The following ZC3H12A variants were observed in gnomAD, a reference collection of about 807,000 sequenced individuals.
ZC3H12A encodes the protein endoribonuclease ZC3H12A.
ZC3H12A carries 9 observed loss-of-function variants against 29.9 expected under a neutral mutation model. The observed-to-expected ratio is 0.30, with a 90% CI of 0.18 to 0.53. ZC3H12A has a LOEUF of 0.53. Ranked by LOEUF, ZC3H12A falls within the 20% of genes least tolerant of loss-of-function variation. The pLI, the probability that ZC3H12A is intolerant of heterozygous loss-of-function variation, is 0.96. For synonymous variants in ZC3H12A, 323 were observed against 338.1 expected, an observed-to-expected ratio of 0.96 and a Z score of 0.49; for missense variants, 617 against 799.0, an observed-to-expected ratio of 0.77 and a Z score of 2.75.
chr1:37,478,944 AC>A lies in ZC3H12A; in HGVS notation c.444-1343del, dbSNP rs1641645070. On this transcript the variant is annotated intron_variant, in intron 2 of 5. Transcript: ENST00000373087. This position sits in a 1 kb window ranked among gnomAD's most constrained non-coding sequence, Gnocchi z 5.2. Reference sequence around the variant, plus strand: ...TCCCCTACAATTTAGAGACCTTCAGACCCTGGTGCCCCAGTCTTGCCCCCAA... The same window carrying A: ...TCCCCTACAATTTAGAGACCTTCAGACCTGGTGCCCCAGTCTTGCCCCCAA... The A allele has an allele frequency of 1.0e-6, 1 of 985,124 alleles. No individual in the cohort carries two copies. Among genetic ancestry groups the A allele is most frequent in the Non-Finnish European group, 1.2e-6 (1 of 829,884 alleles). 61.0% of individuals were successfully genotyped at this position (985,124 alleles called of 1,614,324 possible).
rs776466276 is a variant in ZC3H12A at position 37,476,382 on chromosome 1, AGTT to A, written c.443+453_443+455del. On this transcript the variant is annotated intron_variant, in intron 2 of 5. Transcript: ENST00000373087. The surrounding 1 kb of genome is among the most constrained non-coding windows in gnomAD (Gnocchi z 6.0). ...AGTGGTAGTAGGCAGTGGTAGTAGC[AGTT>A]GTTGTTGTTATTTCAGGGGCTGGGC... Among the ~76,000 whole-genome samples the A allele has an allele frequency of 9.2e-5, 14 of 152,156 alleles. No individual in the cohort carries two copies. The highest frequency in any genetic ancestry group is 1.9e-4 in the East Asian group (1 of 5,202).
In ZC3H12A at chr1:37,475,256, T is replaced by G. The variant is rs1483788332; in HGVS notation, c.-38-203T>G. On this transcript the variant is annotated intron_variant, in intron 1 of 5. Transcript: ENST00000373087. The surrounding 1 kb of genome is among the most constrained non-coding windows in gnomAD (Gnocchi z 5.2). ...TAACAGCTGGATGACCTTGAGCACG[T>G]TTTTAATGTCTGTGCCTCAGTTTCT... is the stretch of plus-strand genomic sequence containing the variant. 6.6e-6 allele frequency among the ~76,000 whole-genome samples: 1 copy of G among 152,196 alleles called. No homozygotes were observed. The highest frequency in any genetic ancestry group is 1.5e-5 in the Non-Finnish European group (1 of 68,024).
At position 37,475,016 on chromosome 1, in the gene ZC3H12A, T is replaced by A. The variant is rs1389013834; in HGVS notation, c.-39+387T>A. On this transcript the variant is annotated intron_variant, in intron 1 of 5. Coordinates refer to ENST00000373087, the MANE Select transcript of ZC3H12A (RefSeq NM_025079.3). The surrounding 1 kb of genome is among the most constrained non-coding windows in gnomAD (Gnocchi z 5.2). ...GTCCGGCCATGGGCCTTGCGCTGCC[T>A]GGGCCTGAGCTCTGAGTGCCGGACG... 6.6e-6 allele frequency among the ~76,000 whole-genome samples: 1 copy of A among 152,222 alleles called. No homozygotes were observed. Among genetic ancestry groups the A allele is most frequent in the Non-Finnish European group, 1.5e-5 (1 of 68,038 alleles).
intron 3 of ZC3H12A, 96 bp downstream of exon 3, chr1:37,480,525 A>G (rs1313802373): frequency 2.8e-6 from 4 of 1,450,806 alleles, no homozygotes; most frequent in Non-Finnish European, 3.7e-6. Context: ...CAACTTCTAG[A>G]ACTCAAGCAG....
Position 37,475,539 on chromosome 1 carries a change from C to T in ZC3H12A, c.43C>T (p.Pro15Ser), listed in dbSNP as rs756846866. The T allele has an allele frequency of 1.9e-6, 3 of 1,612,880 alleles. No homozygotes were observed. Among genetic ancestry groups the T allele is most frequent in the Non-Finnish European group, 2.5e-6 (3 of 1,179,600 alleles). ...CGEKPVLEAS[P>S]TMSLWEFEDS... The stretch of plus-strand genomic sequence containing the variant: ...AGAGAAGCCTGTCCTGGAAGCCAGC[C>T]CCACCATGAGTCTGTGGGAATTTGA... Residue 15 changes from proline to serine, a missense_variant, in exon 2 of 6, where the codon CCC becomes TCC. Physicochemically the swap from Pro to Ser is moderately conservative, Grantham distance 74 (BLOSUM62 -1). Transcript: ENST00000373087. This position sits in a 1 kb window ranked among gnomAD's most constrained non-coding sequence, Gnocchi z 5.2.
chr1:37,474,740 A>AGAGGG (rs1432895308), intron 1 of ZC3H12A, 111 bp downstream of exon 1: 1 of 128,240 alleles, frequency 7.8e-6, no homozygotes, highest in Non-Finnish European at 1.7e-5. Flanking sequence ...GGAGGGGTGG[A>AGAGGG]GAGGGGAGGG....
In ZC3H12A at chr1:37,483,721, G is replaced by C. The variant is rs1641767407; in HGVS notation, c.*110G>C. 2 of 1,362,296 alleles carry C rather than the reference G, an allele frequency of 1.5e-6. No individual in the cohort carries two copies. The highest frequency in any genetic ancestry group is 2.9e-5 in the Admixed American group (1 of 34,970). The allele number at this position is 1,362,296 out of a possible 1,614,324, so 84.4% of individuals were successfully genotyped here. A position where few individuals can be genotyped will look rare whatever the true frequency, so the allele number is the denominator to read the frequency against. ...GCCCTGAGGCCCACCCCAGAGGCTGGACAGAGGGAGGATTCAAGTCGGGAA... is the reference window on the plus strand; with the variant it reads ...GCCCTGAGGCCCACCCCAGAGGCTGCACAGAGGGAGGATTCAAGTCGGGAA... On this transcript the variant is annotated 3_prime_UTR_variant, in exon 6 of 6. Transcript: ENST00000373087.
At position 37,475,827 on chromosome 1, in the gene ZC3H12A, C is replaced by T; in HGVS notation, c.331C>T (p.Arg111Trp). The T allele has an allele frequency of 1.2e-6, 2 of 1,604,552 alleles. No homozygotes were observed. The highest frequency in any genetic ancestry group is 1.7e-5 in the Admixed American group (1 of 59,518). ...DPCPQLPLVP[R>W]GGGTPKAPNL... ...CTGCCCTCAGCTCCCTCTAGTCCCG[C>T]GGGGTGGTGGCACCCCTAAGGCTCC... The change falls in exon 2 of 6, where the codon CGG becomes TGG. Residue 111 changes from arginine to tryptophan, a missense_variant. Transcript: ENST00000373087. The surrounding 1 kb of genome is among the most constrained non-coding windows in gnomAD (Gnocchi z 5.2).
Position 37,475,966 on chromosome 1 carries a change from A to G in ZC3H12A, c.443+27A>G. The G allele has an allele frequency of 2.7e-6, 4 of 1,487,442 alleles. No homozygotes were observed. The highest frequency in any genetic ancestry group is 3.6e-6 in the Non-Finnish European group (4 of 1,125,118). The allele number at this position is 1,487,442 out of a possible 1,614,324, so 92.1% of individuals were successfully genotyped here. ...TAAGTGTCACTTCTGTGGCCAGGAC[A>G]CATGAGGTTCGCATCTCTCCTGTGG... On this transcript the variant is annotated intron_variant, in intron 2 of 5. Transcript: ENST00000373087. This position sits in a 1 kb window ranked among gnomAD's most constrained non-coding sequence, Gnocchi z 5.2.
chr1:37,475,473 CG>C lies in ZC3H12A; in HGVS notation c.-20del, dbSNP rs1553160391. On this transcript the variant is annotated 5_prime_UTR_variant, in exon 2 of 6. The change abolishes the stop of an existing upstream ORF in the 5' untranslated region. Transcript: ENST00000373087. The surrounding 1 kb of genome is among the most constrained non-coding windows in gnomAD (Gnocchi z 5.2). ...TGGTTGTTCAGTAGGAGCTGTGGCGCGGGGCCTTCCAGGAGTCTGAGCTATG... is the reference window on the plus strand; with the variant it reads ...TGGTTGTTCAGTAGGAGCTGTGGCGCGGGCCTTCCAGGAGTCTGAGCTATG... 6.3e-7 allele frequency: 1 copy of C among 1,575,690 alleles called. No individual in the cohort carries two copies. The highest frequency in any genetic ancestry group is 8.6e-7 in the Non-Finnish European group (1 of 1,159,702).
rs1196707856 is a variant in ZC3H12A at position 37,475,719 on chromosome 1, C to G, written c.223C>G (p.Gln75Glu). 6.2e-7 allele frequency: 1 copy of G among 1,614,056 alleles called. No homozygotes were observed. Among genetic ancestry groups the G allele is most frequent in the Non-Finnish European group, 8.5e-7 (1 of 1,180,038 alleles). ...CAGCGTCCTGCAGAAGCTGGGCGTC[C>G]AGGCAGACACCAACACGGTGCTGGG... Reference protein sequence around the residue: ...IHSVLQKLGVQADTNTVLGEL... With the variant: ...IHSVLQKLGVEADTNTVLGEL... Residue 75 changes from glutamine to glutamate, a missense_variant, in exon 2 of 6, where the codon CAG (glutamine) becomes GAG (glutamate). Transcript: ENST00000373087. This position sits in a 1 kb window ranked among gnomAD's most constrained non-coding sequence, Gnocchi z 5.2.
At position 37,475,417 on chromosome 1, in the gene ZC3H12A, A is replaced by G; in HGVS notation, c.-38-42A>G. ...ATGTGGTTTTGGGAGGGAGGTTAGG[A>G]GAGAGCGCTATTCACCGTCCCTAAC... On this transcript the variant is annotated intron_variant, in intron 1 of 5. Coordinates refer to ENST00000373087, the MANE Select transcript of ZC3H12A (RefSeq NM_025079.3). The surrounding 1 kb of genome is among the most constrained non-coding windows in gnomAD (Gnocchi z 5.2). 1.4e-6 allele frequency: 2 copies of G among 1,454,548 alleles called. No homozygotes were observed. Among genetic ancestry groups the G allele is most frequent in the African/African-American group, 1.4e-5 (1 of 70,956 alleles). 90.1% of individuals were successfully genotyped at this position (1,454,548 alleles called of 1,614,324 possible).
Position 37,476,620 on chromosome 1 carries a change from A to G in ZC3H12A, c.443+681A>G, listed in dbSNP as rs1641595696. 6.6e-6 allele frequency among the ~76,000 whole-genome samples: 1 copy of G among 152,170 alleles called. No homozygotes were observed. Among genetic ancestry groups the G allele is most frequent in the African/African-American group, 2.4e-5 (1 of 41,436 alleles). Reference sequence around the variant, plus strand: ...CAGTCTCTGGAGGTTCCCCGGGGCCAGAGCCAGGACTCAGCCCCCAGTGAC... The same window carrying G: ...CAGTCTCTGGAGGTTCCCCGGGGCCGGAGCCAGGACTCAGCCCCCAGTGAC... On this transcript the variant is annotated intron_variant, in intron 2 of 5. Transcript: ENST00000373087. The surrounding 1 kb of genome is among the most constrained non-coding windows in gnomAD (Gnocchi z 6.0).
rs1397483788 is a variant in ZC3H12A, at chr1:37,475,290, AGAATGG to A, written c.-38-157_-38-152del. On this transcript the variant is annotated intron_variant, in intron 1 of 5. Coordinates refer to ENST00000373087, the MANE Select transcript of ZC3H12A (RefSeq NM_025079.3). This position sits in a 1 kb window ranked among gnomAD's most constrained non-coding sequence, Gnocchi z 5.2. ...TCTGTGCCTCAGTTTCTCCCTTTAT[AGAATGG>A]GAATGGGAATGCCTAGCTGGGAGAG... 1.3e-5 allele frequency among the ~76,000 whole-genome samples: 2 copies of A among 152,212 alleles called. No individual in the cohort carries two copies. Among genetic ancestry groups the A allele is most frequent in the Non-Finnish European group, 2.9e-5 (2 of 68,026 alleles).
chr1:37,474,848 T>A (rs916929830), intron 1 of ZC3H12A, among the ~76,000 whole-genome samples: 1 of 152,076 alleles, frequency 6.6e-6, no homozygotes, highest in African/African-American at 2.4e-5. Context: ...ACCAGGTTCC[T>A]GATCGGGATC....
In ZC3H12A at chr1:37,479,765, G is replaced by C. The variant is rs909425777; in HGVS notation, c.444-525G>C. On this transcript the variant is annotated intron_variant, in intron 2 of 5. Transcript: ENST00000373087. The surrounding 1 kb of genome is among the most constrained non-coding windows in gnomAD (Gnocchi z 4.5). Reference sequence around the variant, plus strand: ...ATCCGGAACAATCTGGTTTCTCCTCGGTCAGCCCAGCCGGTGCTTCCCCCG... The same window carrying C: ...ATCCGGAACAATCTGGTTTCTCCTCCGTCAGCCCAGCCGGTGCTTCCCCCG... 2.0e-6 allele frequency: 2 copies of C among 985,258 alleles called. No homozygotes were observed. Among genetic ancestry groups the C allele is most frequent in the Admixed American group, 6.2e-5 (1 of 16,246 alleles). The allele number at this position is 985,258 out of a possible 1,614,324, so 61.0% of individuals were successfully genotyped here. A position where few individuals can be genotyped will look rare whatever the true frequency, so the allele number is the denominator to read the frequency against.
intron 4 of ZC3H12A, 45 bp from the exon 5 acceptor site, chr1:37,482,389 C>A (rs775740262): frequency 3.3e-6 from 5 of 1,527,134 alleles, no homozygotes; most frequent in Non-Finnish European, 4.5e-6. Context: ...ATTAGAAGTC[C>A]CTGCATGGCT....
rs140377627 is a variant in ZC3H12A at position 37,475,627 on chromosome 1, C to T, written c.131C>T (p.Ser44Leu). Residue 44 changes from serine (S) to leucine (L), a missense_variant, in exon 2 of 6, where the codon TCG becomes TTG. Transcript: ENST00000373087. This position sits in a 1 kb window ranked among gnomAD's most constrained non-coding sequence, Gnocchi z 5.2. ...PGQELAAEEA[S>L]ALELQMKVDF... ...CAAGAGCTGGCCGCTGAGGAGGCCT[C>T]GGCCCTGGAACTGCAGATGAAGGTG... 25 of 1,614,110 alleles carry T rather than the reference C, an allele frequency of 1.5e-5. 1 individual carries two copies. The highest frequency in any genetic ancestry group is 8.0e-5 in the African/African-American group (6 of 75,056).
rs545610002 is a variant in ZC3H12A, at chr1:37,481,844, C to T, written c.818+9C>T. 2 of 1,610,392 alleles carry T rather than the reference C, an allele frequency of 1.2e-6. No individual in the cohort carries two copies. The highest frequency in any genetic ancestry group is 2.2e-5 in the East Asian group (1 of 44,718). ...TCCTTCGTCAATGACAAGTATGTTC[C>T]CTCCCAGAGGCCCTGACAGACTTGG... On this transcript the variant is annotated intron_variant, in intron 4 of 5. Transcript: ENST00000373087.
Sources: gnomAD v4.1 joint callset for allele counts (sites outside exome capture counted in the v4.1 genomes callset) on GRCh38, gnomAD v4.1.1 for gene constraint, Gnocchi (gnomAD v3.1) non-coding constraint, MANE v1.5 for transcripts, NCBI Gene and HGNC (gene_info 2026-07-23, HGNC 2026-07-21) for gene names.